UMAD1: variants seen among roughly 807,000 people sequenced by gnomAD.
The protein encoded by UMAD1 is UBAP1-MVB12-associated (UMA)-domain containing protein 1.
A neutral mutation model predicts 6.1 loss-of-function variants in UMAD1; 8 were observed. That is an observed-to-expected ratio of 1.30 (90% CI 0.76 to 2.35). The LOEUF (loss-of-function observed/expected upper bound fraction) is 2.35. Ranked by LOEUF, UMAD1 falls within the 30% of genes most tolerant of loss-of-function variation. The probability of loss-of-function intolerance (pLI) is 0.00; values close to 1 mark genes in which losing one functional copy is unlikely to be tolerated. For synonymous variants in UMAD1, 56 were observed against 31.4 expected, an observed-to-expected ratio of 1.78 and a Z score of -2.61; for missense variants, 130 against 78.4, an observed-to-expected ratio of 1.66 and a Z score of -2.49.
At chr7:7,776,705 T>C (rs749073792) in intron 2 of UMAD1, among the ~76,000 whole-genome samples, 29 of 152,238 alleles carry the variant, frequency 1.9e-4, no homozygotes, top group Non-Finnish European at 3.1e-4. Context: ...ATAGAGATGA[T>C]TACAATTTAA....
intron 3 of UMAD1, among the ~76,000 whole-genome samples, chr7:7,862,591 A>C (rs1784135027): frequency 6.6e-6 from 1 of 152,214 alleles, no homozygotes; most frequent in African/African-American, 2.4e-5. Context: ...TTCGTGCACA[A>C]AAGTCTTAAC....
chr7:7,874,730 AAATT>A (rs1554336845), intron 3 of UMAD1, among the ~76,000 whole-genome samples: 1 of 152,178 alleles, frequency 6.6e-6, no homozygotes, highest in Non-Finnish European at 1.5e-5. Flanking sequence ...ATACATAAAT[AAATT>A]AATTAATTAA....
At chr7:7,643,728 AACAAACGAAAAAAAAAG>A (rs1303682213) in intron 1 of UMAD1, among the ~76,000 whole-genome samples, 3 of 5,516 alleles carry the variant, frequency 5.4e-4, no homozygotes, top group South Asian at 6.0e-3. Context: ...AAAAAAAACA[AACAAACGAAAAAAAAAG>A]GATCAACGGT....
At chr7:7,850,310 A>G (rs1783885461) in intron 3 of UMAD1, among the ~76,000 whole-genome samples, 2 of 152,110 alleles carry the variant, frequency 1.3e-5, no homozygotes, top group East Asian at 1.9e-4. Flanking sequence ...ATTTAATAAT[A>G]TATCCAATGG....
chr7:7,861,054 A>T (rs10244393), intron 3 of UMAD1, among the ~76,000 whole-genome samples: 104,632 of 151,758 alleles, frequency 0.69, 36,944 homozygotes, highest in Middle Eastern at 0.76. Flanking sequence ...ATAGGCAAAT[A>T]TATAGAGACA....
chr7:7,795,524 T>C (rs1446710348), intron 2 of UMAD1, among the ~76,000 whole-genome samples: 3 of 152,208 alleles, frequency 2.0e-5, no homozygotes, highest in Non-Finnish European at 4.4e-5. Flanking sequence ...GAAACTTTAT[T>C]AAGCAAGTAA....
At chr7:7,689,153 T>C (rs1780111808) in intron 2 of UMAD1, among the ~76,000 whole-genome samples, 1 of 152,054 alleles carries the variant, frequency 6.6e-6, no homozygotes, top group African/African-American at 2.4e-5. Context: ...TAATTCACCT[T>C]GCCAGTGATT....
intron 2 of UMAD1, among the ~76,000 whole-genome samples, chr7:7,779,767 C>T (rs1737435100): frequency 6.6e-6 from 1 of 152,162 alleles, no homozygotes; most frequent in African/African-American, 2.4e-5. Context: ...ACCTCAGCCT[C>T]TAGAATAGCT....
intron 2 of UMAD1, among the ~76,000 whole-genome samples, chr7:7,791,057 T>C (rs2115263929): frequency 6.6e-6 from 1 of 152,230 alleles, no homozygotes. Context: ...ACCTCTAATT[T>C]TTGTATTTTT....
At chr7:7,847,094 A>T (rs1583869357) in intron 3 of UMAD1, among the ~76,000 whole-genome samples, 1 of 42,702 alleles carries the variant, frequency 2.3e-5, no homozygotes, top group African/African-American at 1.7e-4. Context: ...ATGCAAAAAA[A>T]AAAAAAAAAA....
chr7:7,714,809 G>GTAATTTTTTTATTTCCTCATGAACTGGT (rs1780853077), intron 2 of UMAD1, among the ~76,000 whole-genome samples: 1 of 149,290 alleles, frequency 6.7e-6, no homozygotes, highest in African/African-American at 2.5e-5. Flanking sequence ...CTTGTGTAGA[G>GTAATTTTTTTATTTCCTCATGAACTGGT]TAATTTTTTT....
intron 3 of UMAD1, among the ~76,000 whole-genome samples, chr7:7,836,611 A>G (rs1408833198): frequency 3.9e-5 from 6 of 152,032 alleles, no homozygotes; most frequent in African/African-American, 1.4e-4. Context: ...TATGTTTACT[A>G]TATTTAAATA....
intron 1 of UMAD1, among the ~76,000 whole-genome samples, chr7:7,664,417 A>T (rs7801790): frequency 0.013 from 1,971 of 152,282 alleles, 39 homozygotes; most frequent in African/African-American, 0.045. Context: ...CTGCCCAGTA[A>T]TGTCCAACAA....
rs868431677 is a variant in UMAD1, at chr7:7,737,440, T to C, written c.82+63987T>C. ...TCTACCTACCACCAGTTCTTACCTT[T>C]GGATTTTGTTTTTATCTTGTGCATT... On this transcript the variant is annotated intron_variant, in intron 2 of 3. Transcript: ENST00000682710. 3.2e-4 allele frequency among the ~76,000 whole-genome samples: 48 copies of C among 152,342 alleles called. No individual in the cohort carries two copies. In the Middle Eastern group the frequency reaches 0.014, roughly 43 times the overall value.
intron 2 of UMAD1, among the ~76,000 whole-genome samples, chr7:7,726,299 C>T (rs1432608590): frequency 6.6e-6 from 1 of 152,220 alleles, no homozygotes; most frequent in Non-Finnish European, 1.5e-5. Flanking sequence ...GTATTCCACA[C>T]AGCATTGCCT....
intron 2 of UMAD1, among the ~76,000 whole-genome samples, chr7:7,726,414 T>C (rs565580915): frequency 6.6e-6 from 1 of 152,332 alleles, no homozygotes; most frequent in African/African-American, 2.4e-5. Flanking sequence ...AGTAGCTGGA[T>C]TGATAGAATA....
intron 2 of UMAD1, among the ~76,000 whole-genome samples, chr7:7,677,664 G>GTTTTTGTTTTTT (rs1779778491): frequency 8.8e-6 from 1 of 113,502 alleles, no homozygotes. Flanking sequence ...CTGTTTTTTT[G>GTTTTTGTTTTTT]TTTTTTTTTT....
At chr7:7,827,680 T>A (rs928583659) in intron 3 of UMAD1, among the ~76,000 whole-genome samples, 6 of 152,148 alleles carry the variant, frequency 3.9e-5, no homozygotes, top group Non-Finnish European at 7.4e-5. Context: ...AGTTCATTAT[T>A]TAATAGTAAA....
chr7:7,862,190 G>A (rs1468346096), intron 3 of UMAD1, among the ~76,000 whole-genome samples: 1 of 151,966 alleles, frequency 6.6e-6, no homozygotes, highest in African/African-American at 2.4e-5. Flanking sequence ...TATCATATAA[G>A]TGATGTCAAT....
Sources: gnomAD v4.1 joint callset for allele counts (sites outside exome capture counted in the v4.1 genomes callset) on GRCh38, gnomAD v4.1.1 for gene constraint, MANE v1.5 for transcripts, NCBI Gene and HGNC (gene_info 2026-07-23, HGNC 2026-07-21) for gene names.